The following TMUB2 variants were observed in gnomAD, a reference collection of about 807,000 sequenced individuals.
The protein encoded by TMUB2 is transmembrane and ubiquitin like domain containing 2, also known as transmembrane and ubiquitin-like domain-containing protein 2.
In TMUB2, 19 loss-of-function variants were observed where a neutral mutation model predicts 20.2. The ratio of observed to expected loss-of-function variants is 0.94; its 90% CI spans 0.66 to 1.38. TMUB2 has a LOEUF of 1.38. Ranked by LOEUF, TMUB2 falls within the 40% of genes most tolerant of loss-of-function variation. The pLI is 0.00. For missense variants in TMUB2, 426 were observed against 402.5 expected, an observed-to-expected ratio of 1.06 and a Z score of -0.50; for synonymous variants, 186 against 166.0, an observed-to-expected ratio of 1.12 and a Z score of -0.92.
At chr17:44,187,957 A>C in intron 2 of TMUB2, 1 of 573,304 alleles carries the variant, frequency 1.7e-6, no homozygotes, top group Non-Finnish European at 3.1e-6. Flanking sequence ...TTCAGTACCA[A>C]GAGAAATACA....
At position 44,190,427 on chromosome 17, in the gene TMUB2, T is replaced by A. The variant is rs2055350145; in HGVS notation, c.603-74T>A. ...CTCCAGTTTTTCCCCACTCCCCTGC[T>A]TTGTTGGTCCAGGCCTGTTTGCCTT... On this transcript the variant is annotated intron_variant, in intron 3 of 3. Transcript: ENST00000538716. 2.0e-6 allele frequency: 3 copies of A among 1,469,208 alleles called. No individual in the cohort carries two copies. The African/African-American group carries it at 4.3e-5, about 21-fold the overall frequency. 91.0% of individuals were successfully genotyped at this position (1,469,208 alleles called of 1,614,324 possible).
In TMUB2 at chr17:44,190,650, G is replaced by GCCCC. The variant is rs1430018166; in HGVS notation, c.753_756dup (p.Ser253ProfsTer11). 1 of 1,614,196 alleles carries GCCCC rather than the reference G, an allele frequency of 6.2e-7. No homozygotes were observed. Among genetic ancestry groups the GCCCC allele is most frequent in the Admixed American group, 1.7e-5 (1 of 60,026 alleles). ...TCACCCCCAGGGTCAGCTGTTCCAG[G>GCCCC]CCCCTCAGCCTCCTTGGCCCCCTCG... On this transcript the variant is annotated frameshift_variant, in exon 4 of 4. Transcript: ENST00000538716. LOFTEE classifies it high-confidence loss of function.
rs1395762869 is a variant in TMUB2 at position 44,190,584 on chromosome 17, C to T, written c.686C>T (p.Ser229Phe). The change falls in exon 4 of 4, where the codon TCT becomes TTT. Residue 229 changes from serine to phenylalanine, a missense_variant. Ser to Phe is a radical substitution (Grantham distance 155). Coordinates refer to ENST00000538716, the MANE Select transcript of TMUB2 (RefSeq NM_001076674.3). The stretch of plus-strand genomic sequence containing the variant: ...CAAGACCCAGCCCGCACACTGCGTT[C>T]TCTGAACATTACCGACAACTGTGTG... Reference protein sequence around the residue: ...LLQDPARTLRSLNITDNCVIH... With the variant: ...LLQDPARTLRFLNITDNCVIH... 2.5e-6 allele frequency: 4 copies of T among 1,614,100 alleles called. No individual in the cohort carries two copies. Among genetic ancestry groups the T allele is most frequent in the South Asian group, 2.2e-5 (2 of 91,086 alleles).
chr17:44,190,346 T>G, intron 3 of TMUB2, 155 bp from the exon 4 acceptor site: 1 of 678,786 alleles, frequency 1.5e-6, no homozygotes, highest in Non-Finnish European at 2.1e-6. Flanking sequence ...TGAGACTCCG[T>G]CTCAAAAAAA....
At position 44,189,506 on chromosome 17, in the gene TMUB2, A is replaced by G; in HGVS notation, c.520A>G (p.Ile174Val). The G allele has an allele frequency of 6.2e-7, 1 of 1,613,916 alleles. No individual in the cohort carries two copies. Among genetic ancestry groups the G allele is most frequent in the Admixed American group, 1.7e-5 (1 of 59,994 alleles). ...CTGCCTCCCTCCCAGCCCTGGCCTC[A>G]TCACTGTGCGGCTCAAATTCCTCAA... The part of the protein sequence containing the change: ...STCLPPSPGL[I>V]TVRLKFLNDT... Residue 174 changes from isoleucine (I) to valine (V), a missense_variant, in exon 3 of 4, where the codon ATC becomes GTC. Transcript: ENST00000538716.
At chr17:44,187,958 G>C (rs1474985381) in intron 2 of TMUB2, 1 of 573,530 alleles carries the variant, frequency 1.7e-6, no homozygotes, top group South Asian at 2.2e-5. Flanking sequence ...TCAGTACCAA[G>C]AGAAATACAT....
chr17:44,187,627 T>G (rs1291495097), intron 1 of TMUB2, 49 bp from the exon 2 acceptor site: 1 of 714,372 alleles, frequency 1.4e-6, no homozygotes, highest in Non-Finnish European at 2.6e-6. Context: ...GGGTTAGTTG[T>G]GGTTGTGATA....
chr17:44,188,873 G>A (rs777511939), intron 2 of TMUB2, 149 bp from the exon 3 acceptor site: 167 of 1,352,378 alleles, frequency 1.2e-4, no homozygotes, highest in Middle Eastern at 5.1e-4. Flanking sequence ...TTGGGGTGCC[G>A]GAATTAGGAA....
In TMUB2 at chr17:44,190,989, A is replaced by G. The variant is rs971709312; in HGVS notation, c.*125A>G. On this transcript the variant is annotated 3_prime_UTR_variant, in exon 4 of 4. Coordinates refer to ENST00000538716, the MANE Select transcript of TMUB2 (RefSeq NM_001076674.3). ...AAAGGATGTGATGGAAATCTCCTCC[A>G]TAGGACACAGGAGGCAAGTATGCGG... The G allele has an allele frequency of 5.3e-6, 8 of 1,495,508 alleles. No individual in the cohort carries two copies. Among genetic ancestry groups the G allele is most frequent in the African/African-American group, 1.4e-5 (1 of 71,510 alleles). The allele number at this position is 1,495,508 out of a possible 1,614,324, so 92.6% of individuals were successfully genotyped here. A position where few individuals can be genotyped will look rare whatever the true frequency, so the allele number is the denominator to read the frequency against.
At position 44,190,669 on chromosome 17, in the gene TMUB2, CCCCTCGGCCACT is replaced by C; in HGVS notation, c.772_783del (p.Pro258_Thr261del). On this transcript the variant is annotated inframe_deletion, in exon 4 of 4. Coordinates refer to ENST00000538716, the MANE Select transcript of TMUB2 (RefSeq NM_001076674.3). ...TTCCAGGCCCCTCAGCCTCCTTGGCCCCCTCGGCCACTGAGCCACCCAGCCTTGGTGTCAATG... is the reference window on the plus strand; with the variant it reads ...TTCCAGGCCCCTCAGCCTCCTTGGCCGAGCCACCCAGCCTTGGTGTCAATG... 1 of 1,614,222 alleles carries C rather than the reference CCCCTCGGCCACT, an allele frequency of 6.2e-7. No homozygotes were observed. The highest frequency in any genetic ancestry group is 1.1e-5 in the South Asian group (1 of 91,086).
rs2055635781 is a variant in TMUB2, at chr17:44,191,784, TGA to T, written c.*924_*925del. 1 of 976,380 alleles carries T rather than the reference TGA, an allele frequency of 1.0e-6. No individual in the cohort carries two copies. The highest frequency in any genetic ancestry group is 1.2e-6 in the Non-Finnish European group (1 of 821,436). 60.5% of individuals were successfully genotyped at this position (976,380 alleles called of 1,614,324 possible). A position where few individuals can be genotyped will look rare whatever the true frequency, so the allele number is the denominator to read the frequency against. ...TGCGCTGCCCCCAGGAAAATGGTAA[TGA>T]GAGTAGGTAGGCCGGGGCTACCAAC... On this transcript the variant is annotated 3_prime_UTR_variant, in exon 4 of 4. Transcript: ENST00000538716.
rs778855907 is a variant in TMUB2 at position 44,191,611 on chromosome 17, C to G, written c.*747C>G. 1.0e-6 allele frequency: 1 copy of G among 985,914 alleles called. No homozygotes were observed. The highest frequency in any genetic ancestry group is 1.2e-6 in the Non-Finnish European group (1 of 829,962). The allele number at this position is 985,914 out of a possible 1,614,324, so 61.1% of individuals were successfully genotyped here. ...AGAGACAGCACTGGCCCTTGGCCAGCGTCCTACCCTGCCCAACTCCAAGGA... is the reference window on the plus strand; with the variant it reads ...AGAGACAGCACTGGCCCTTGGCCAGGGTCCTACCCTGCCCAACTCCAAGGA... On this transcript the variant is annotated 3_prime_UTR_variant, in exon 4 of 4. Coordinates refer to ENST00000538716, the MANE Select transcript of TMUB2 (RefSeq NM_001076674.3).
Position 44,191,334 on chromosome 17 carries a change from C to T in TMUB2, c.*470C>T. On this transcript the variant is annotated 3_prime_UTR_variant, in exon 4 of 4. Transcript: ENST00000538716. ...TACTCATCTTTTGAGACTGAAATCA[C>T]ACTGGCGGGAATGAAGATTGTGCCA... 1 of 989,688 alleles carries T rather than the reference C, an allele frequency of 1.0e-6. No homozygotes were observed. Among genetic ancestry groups the T allele is most frequent in the Non-Finnish European group, 1.2e-6 (1 of 832,288 alleles). 61.3% of individuals were successfully genotyped at this position (989,688 alleles called of 1,614,324 possible). A position where few individuals can be genotyped will look rare whatever the true frequency, so the allele number is the denominator to read the frequency against.
intron 3 of TMUB2, chr17:44,189,848 TA>T (rs2055121634): frequency 3.0e-6 from 1 of 329,132 alleles, no homozygotes; most frequent in African/African-American, 2.1e-5. Context: ...CCATCTCTAC[TA>T]AACATACAAA....
chr17:44,187,736 C>T lies in TMUB2; in HGVS notation c.28C>T (p.Leu10Phe). 1.4e-6 allele frequency: 1 copy of T among 718,580 alleles called. No homozygotes were observed. The allele number at this position is 718,580 out of a possible 1,614,324, so 44.5% of individuals were successfully genotyped here. A position where few individuals can be genotyped will look rare whatever the true frequency, so the allele number is the denominator to read the frequency against. MISRHLQNN[L>F]MSVDPASSQA... ...GATTTCACGTCATCTTCAAAACAACCTCATGAGGTAGGTACTGTTTTTAAC... is the reference window on the plus strand; with the variant it reads ...GATTTCACGTCATCTTCAAAACAACTTCATGAGGTAGGTACTGTTTTTAAC... The change falls in exon 2 of 4, where the codon CTC (leucine) becomes TTC (phenylalanine). Residue 10 changes from leucine to phenylalanine, a missense_variant. Coordinates refer to ENST00000538716, the MANE Select transcript of TMUB2 (RefSeq NM_001076674.3).
Position 44,189,589 on chromosome 17 carries a change from G to A in TMUB2, c.602+1G>A. 2 of 1,569,412 alleles carry A rather than the reference G, an allele frequency of 1.3e-6. No individual in the cohort carries two copies. Among genetic ancestry groups the A allele is most frequent in the East Asian group, 2.3e-5 (1 of 44,404 alleles). On this transcript the variant is annotated splice_donor_variant, in intron 3 of 3. Transcript: ENST00000538716. LOFTEE classifies it high-confidence loss of function. ...AGGATACCGTGGGTGCCCTGAAGAG[G>A]TGAGTGGCCTGGGAAGTGGGAAGCT...
In TMUB2 at chr17:44,187,334, A is replaced by C. The variant is rs1007866347; in HGVS notation, c.-34+225A>C. ...GCAGCCCTTCGGTTCGGGTGGGCCC[A>C]TGGACCCCAGTCCAACGCCGAGGGA... On this transcript the variant is annotated intron_variant, in intron 1 of 3. Transcript: ENST00000538716. 17 of 219,228 alleles carry C rather than the reference A, an allele frequency of 7.8e-5. No homozygotes were observed. In the South Asian group the frequency reaches 1.2e-3, roughly 15 times the overall value. 13.6% of individuals were successfully genotyped at this position (219,228 alleles called of 1,614,324 possible).
In TMUB2 at chr17:44,189,599, TG is replaced by T; in HGVS notation, c.602+14del. On this transcript the variant is annotated intron_variant, in intron 3 of 3. Coordinates refer to ENST00000538716, the MANE Select transcript of TMUB2 (RefSeq NM_001076674.3). The stretch of plus-strand genomic sequence containing the variant: ...GGGTGCCCTGAAGAGGTGAGTGGCC[TG>T]GGAAGTGGGAAGCTGCTTGTGCTCA... 1 of 1,547,658 alleles carries T rather than the reference TG, an allele frequency of 6.5e-7. No individual in the cohort carries two copies. Among genetic ancestry groups the T allele is most frequent in the East Asian group, 2.3e-5 (1 of 44,250 alleles).
intron 1 of TMUB2, 34 bp from the exon 2 acceptor site, chr17:44,187,642 A>G (rs1004917881): frequency 1.4e-6 from 1 of 715,614 alleles, no homozygotes; most frequent in African/African-American, 1.7e-5. Flanking sequence ...GTGATAAATA[A>G]TTACTACCGT....
Sources: gnomAD v4.1 joint callset for allele counts on GRCh38, gnomAD v4.1.1 for gene constraint, MANE v1.5 for transcripts, NCBI Gene and HGNC (gene_info 2026-07-23, HGNC 2026-07-21) for gene names.